Variants in WASF3 observed in about 807,000 individuals in gnomAD.
WASF3 encodes WASP family member 3.
A neutral mutation model predicts 46.6 loss-of-function variants in WASF3; 11 were observed. The ratio of observed to expected loss-of-function variants is 0.24; its 90% CI spans 0.15 to 0.39. The LOEUF (loss-of-function observed/expected upper bound fraction) is 0.39, where lower values mean the gene tolerates loss of function less well. WASF3 is among the 10% of genes least tolerant of loss of function. The pLI is 1.00. For missense variants in WASF3, 576 were observed against 669.8 expected (o/e 0.86, Z 1.55); for synonymous variants, 242 against 259.7 (o/e 0.93, Z 0.65).
intron 1 of WASF3, among the ~76,000 whole-genome samples, chr13:26,561,908 G>C (rs1188932849): frequency 1.3e-5 from 2 of 152,142 alleles, no homozygotes; most frequent in Admixed American, 1.3e-4. Flanking sequence ...CTCAACAAGT[G>C]TACACATACT....
intron 1 of WASF3, among the ~76,000 whole-genome samples, chr13:26,562,710 G>A (rs1306662115): frequency 1.3e-5 from 2 of 151,922 alleles, no homozygotes; most frequent in African/African-American, 2.4e-5. Flanking sequence ...AGGAGTCTGT[G>A]GAACCTCATT....
chr13:26,625,638 C>T (rs928389069), intron 2 of WASF3, among the ~76,000 whole-genome samples: 2 of 152,084 alleles, frequency 1.3e-5, no homozygotes, highest in African/African-American at 4.8e-5. Flanking sequence ...GAGGGTGGAT[C>T]TTTTTTTACT....
At chr13:26,598,026 C>G (rs1593139318) in intron 1 of WASF3, among the ~76,000 whole-genome samples, 2 of 152,266 alleles carry the variant, frequency 1.3e-5, no homozygotes, top group African/African-American at 4.8e-5. Flanking sequence ...TTCAAGATCC[C>G]TGAGGAATCG....
chr13:26,551,551 G>C, the WASF3 span, among the ~76,000 whole-genome samples: 14 of 152,302 alleles, frequency 9.2e-5, no homozygotes, highest in South Asian at 2.5e-3. Flanking sequence ...ATAATTCCCT[G>C]TCTGGTGGGG....
At chr13:26,598,035 C>T (rs1322992310) in intron 1 of WASF3, among the ~76,000 whole-genome samples, 18 of 152,150 alleles carry the variant, frequency 1.2e-4, no homozygotes, top group East Asian at 1.2e-3. Flanking sequence ...CCTGAGGAAT[C>T]GCCACACTGA....
At chr13:26,660,194 GTTTTTTTTTTTTT>G (rs71080285) in intron 3 of WASF3, among the ~76,000 whole-genome samples, 19 of 43,378 alleles carry the variant, frequency 4.4e-4, no homozygotes, top group African/African-American at 1.2e-3. Context: ...TTTTTGTTTG[GTTTTTTTTTTTTT>G]TTTTTTTTTT....
intron 3 of WASF3, among the ~76,000 whole-genome samples, chr13:26,660,187 T>C (rs1389087277): frequency 6.9e-6 from 1 of 144,346 alleles, no homozygotes; most frequent in African/African-American, 2.6e-5. Context: ...CTTTTGTTTT[T>C]TGTTTGGTTT....
intron 1 of WASF3, among the ~76,000 whole-genome samples, chr13:26,559,760 T>C (rs1039274026): frequency 1.3e-5 from 2 of 150,638 alleles, no homozygotes; most frequent in Non-Finnish European, 3.0e-5. Context: ...TCTCCATTGC[T>C]GTAGACCTTG....
chr13:26,688,281 C>A lies in WASF3; in HGVS notation c.*2436C>A, dbSNP rs948288742. The stretch of plus-strand genomic sequence containing the variant: ...AGTTTCATTTTCAAAAACTATTTAC[C>A]AAAACAAATGGAGAAGAAACATCCA... On this transcript the variant is annotated 3_prime_UTR_variant, in exon 10 of 10. Coordinates refer to ENST00000335327, the MANE Select transcript of WASF3 (RefSeq NM_006646.6). 1 of 152,060 alleles carries A rather than the reference C, an allele frequency of 6.6e-6. No individual in the cohort carries two copies. Among genetic ancestry groups the A allele is most frequent in the Admixed American group, 6.5e-5 (1 of 15,274 alleles). The allele number at this position is 152,060 out of a possible 1,614,324, so 9.4% of individuals were successfully genotyped here.
intron 1 of WASF3, among the ~76,000 whole-genome samples, chr13:26,582,346 T>A (rs492282): frequency 0.84 from 128,203 of 151,954 alleles, 54,113 homozygotes; most frequent in East Asian, 0.9. Context: ...TCGGGGACAT[T>A]TCTTAACTTC....
chr13:26,615,020 A>C (rs1047823264), intron 2 of WASF3, among the ~76,000 whole-genome samples: 3 of 152,034 alleles, frequency 2.0e-5, no homozygotes, highest in African/African-American at 7.2e-5. Flanking sequence ...GGAATTCTCT[A>C]GGAGGAGTGC....
At chr13:26,663,203 A>G (rs1882681459) in intron 3 of WASF3, among the ~76,000 whole-genome samples, 1 of 152,090 alleles carries the variant, frequency 6.6e-6, no homozygotes, top group South Asian at 2.1e-4. Flanking sequence ...TAACATGGGG[A>G]TGCAGGTTTG....
At chr13:26,542,696 A>T in the WASF3 span, among the ~76,000 whole-genome samples, 252 of 152,352 alleles carry the variant, frequency 1.7e-3, no homozygotes, top group African/African-American at 5.7e-3. Context: ...CATTGAAGTG[A>T]CATATCTGAA....
intron 1 of WASF3, among the ~76,000 whole-genome samples, chr13:26,589,494 T>C (rs1880227108): frequency 6.6e-6 from 1 of 152,222 alleles, no homozygotes; most frequent in African/African-American, 2.4e-5. Context: ...AAAGTCTTAC[T>C]GAGGTTTAGT....
chr13:26,598,453 T>C (rs1593139556), intron 1 of WASF3, among the ~76,000 whole-genome samples: 1 of 152,192 alleles, frequency 6.6e-6, no homozygotes, highest in Non-Finnish European at 1.5e-5. Flanking sequence ...GTGCAGAAGC[T>C]CTTCGGCCCG....
Position 26,679,505 on chromosome 13 carries a change from C to T in WASF3, c.717-1549C>T, listed in dbSNP as rs1883162983. On this transcript the variant is annotated intron_variant, in intron 7 of 9. Transcript: ENST00000335327. The surrounding 1 kb of genome is among the most constrained non-coding windows in gnomAD (Gnocchi z 4.8). ...TGCAAGGCTCCTTGATAGGGATCGC[C>T]CTCCTAGTTATGCCACAGTATTTAT... 6.6e-6 allele frequency among the ~76,000 whole-genome samples: 1 copy of T among 152,140 alleles called. No homozygotes were observed. Among genetic ancestry groups the T allele is most frequent in the Non-Finnish European group, 1.5e-5 (1 of 68,030 alleles).
chr13:26,577,677 A>T, intron 1 of WASF3: 1 of 1,114,734 alleles, frequency 9.0e-7, no homozygotes, highest in Non-Finnish European at 1.3e-6. Context: ...GAATCTGTTT[A>T]AAGTTCAGAC....
At chr13:26,683,551 T>C (rs1625599) in intron 9 of WASF3, among the ~76,000 whole-genome samples, 43,854 of 151,682 alleles carry the variant, frequency 0.29, 6,751 homozygotes, top group East Asian at 0.57. Flanking sequence ...AAGTGATCGA[T>C]TAATTAATTG....
At chr13:26,593,298 C>G (rs186604691) in intron 1 of WASF3, among the ~76,000 whole-genome samples, 1 of 152,146 alleles carries the variant, frequency 6.6e-6, no homozygotes, top group African/African-American at 2.4e-5. Flanking sequence ...TACTGCTTGC[C>G]GGTGCCTCCT....
Sources: gnomAD v4.1 joint callset for allele counts (sites outside exome capture counted in the v4.1 genomes callset) on GRCh38, gnomAD v4.1.1 for gene constraint, Gnocchi (gnomAD v3.1) non-coding constraint, MANE v1.5 for transcripts, NCBI Gene and HGNC (gene_info 2026-07-23, HGNC 2026-07-21) for gene names.